The following C12orf54 variants were observed in gnomAD, a reference collection of about 807,000 sequenced individuals.
C12orf54 encodes uncharacterized protein C12orf54.
A neutral mutation model predicts 26.4 loss-of-function variants in C12orf54; 24 were observed. The observed-to-expected ratio is 0.91, with a 90% CI of 0.66 to 1.28. C12orf54 has a LOEUF of 1.28. Ranked by LOEUF, C12orf54 falls within the 50% of genes most tolerant of loss-of-function variation. The pLI is 0.00. For synonymous variants in C12orf54, 54 were observed against 47.0 expected, an observed-to-expected ratio of 1.15 and a Z score of -0.61; for missense variants, 154 against 150.9, an observed-to-expected ratio of 1.02 and a Z score of -0.11.
the C12orf54 span, among the ~76,000 whole-genome samples, chr12:48,419,056 G>A: frequency 8.5e-5 from 13 of 152,300 alleles, no homozygotes; most frequent in African/African-American, 3.1e-4. Context: ...GAAGTGGGAT[G>A]TTGGTTGAGA....
intron 2 of C12orf54, 52 bp downstream of exon 2, chr12:48,483,413 G>T (rs1954221894): frequency 6.4e-7 from 1 of 1,566,680 alleles, no homozygotes; most frequent in African/African-American, 1.4e-5. Context: ...TATACTCTAT[G>T]GGAGAAGAAC....
the C12orf54 span, among the ~76,000 whole-genome samples, chr12:48,425,075 G>A: frequency 6.6e-6 from 1 of 151,982 alleles, no homozygotes; most frequent in Non-Finnish European, 1.5e-5. Context: ...TTAAACAAAA[G>A]CAATTTTTTA....
At chr12:48,479,478 G>A (rs966722056), upstream of C12orf54, among the ~76,000 whole-genome samples, 5 of 151,830 alleles carry the variant, frequency 3.3e-5, no homozygotes, top group Non-Finnish European at 5.9e-5. Context: ...AAACCTGCAC[G>A]TTGTGCACAT....
At chr12:48,456,667 G>T in the C12orf54 span, among the ~76,000 whole-genome samples, 1 of 152,166 alleles carries the variant, frequency 6.6e-6, no homozygotes, top group Non-Finnish European at 1.5e-5. Flanking sequence ...TGGTTGTGAG[G>T]ATGAAATGAG....
At chr12:48,455,101 C>G in the C12orf54 span, among the ~76,000 whole-genome samples, 1 of 152,160 alleles carries the variant, frequency 6.6e-6, no homozygotes. Context: ...CAATCCCATC[C>G]TCCAACCTCA....
the C12orf54 span, among the ~76,000 whole-genome samples, chr12:48,474,884 G>C: frequency 2.6e-5 from 4 of 152,362 alleles, no homozygotes; most frequent in East Asian, 5.8e-4. Context: ...CTGTCTGACA[G>C]CTTTGAAAAG....
chr12:48,472,488 A>G, the C12orf54 span, among the ~76,000 whole-genome samples: 1 of 152,268 alleles, frequency 6.6e-6, no homozygotes, highest in African/African-American at 2.4e-5. Context: ...AACTGGGTGA[A>G]TGATAGCACA....
the C12orf54 span, among the ~76,000 whole-genome samples, chr12:48,443,571 A>T: frequency 6.6e-6 from 1 of 152,206 alleles, no homozygotes; most frequent in Non-Finnish European, 1.5e-5. Context: ...CTCCAATGCT[A>T]TGTAAGTGAT....
the C12orf54 span, among the ~76,000 whole-genome samples, chr12:48,433,977 C>T: frequency 5.6e-4 from 86 of 152,256 alleles, no homozygotes; most frequent in African/African-American, 1.6e-3. Flanking sequence ...CACCTCACCC[C>T]GGAAGCATAA....
the C12orf54 span, among the ~76,000 whole-genome samples, chr12:48,452,016 C>T: frequency 3.9e-5 from 6 of 152,072 alleles, no homozygotes; most frequent in Admixed American, 1.3e-4. Context: ...AAAAAGAACT[C>T]AAGTGGCCAA....
the C12orf54 span, among the ~76,000 whole-genome samples, chr12:48,443,153 A>G: frequency 6.6e-6 from 1 of 152,138 alleles, no homozygotes; most frequent in East Asian, 1.9e-4. Context: ...CCAACCTTAG[A>G]TTCTCTCTCT....
At chr12:48,452,523 AAC>A in the C12orf54 span, among the ~76,000 whole-genome samples, 4 of 151,910 alleles carry the variant, frequency 2.6e-5, no homozygotes, top group Non-Finnish European at 5.9e-5. Context: ...CACAGAAAAA[AAC>A]ACAACAACGA....
chr12:48,434,573 G>T, the C12orf54 span, among the ~76,000 whole-genome samples: 1 of 152,176 alleles, frequency 6.6e-6, no homozygotes, highest in Non-Finnish European at 1.5e-5. Flanking sequence ...ACTTCCAGAG[G>T]AATGATCAGG....
upstream of C12orf54, chr12:48,482,377 C>T (rs1477114457): frequency 6.6e-6 from 1 of 152,240 alleles, no homozygotes; most frequent in East Asian, 1.9e-4. Context: ...TTACCATTAT[C>T]GTTTGGATTG....
the C12orf54 span, among the ~76,000 whole-genome samples, chr12:48,425,686 C>G: frequency 6.6e-6 from 1 of 152,132 alleles, no homozygotes; most frequent in Admixed American, 6.6e-5. Context: ...AACTTACACT[C>G]CTACCAGCAG....
At chr12:48,457,612 C>G in the C12orf54 span, among the ~76,000 whole-genome samples, 3,442 of 152,154 alleles carry the variant, frequency 0.023, 49 homozygotes, top group Non-Finnish European at 0.032. Context: ...TTGCTCTAGT[C>G]CCGGGCTTCT....
At chr12:48,472,265 A>C in the C12orf54 span, among the ~76,000 whole-genome samples, 1 of 152,176 alleles carries the variant, frequency 6.6e-6, no homozygotes, top group African/African-American at 2.4e-5. Flanking sequence ...GGTTTTCTGC[A>C]TTTTAAAATG....
At chr12:48,454,082 C>G in the C12orf54 span, among the ~76,000 whole-genome samples, 7 of 140,784 alleles carry the variant, frequency 5.0e-5, no homozygotes, top group Non-Finnish European at 6.0e-5. Context: ...CTCTCTCTCT[C>G]TCTTTTTTTG....
At chr12:48,451,648 G>A in the C12orf54 span, among the ~76,000 whole-genome samples, 1 of 152,292 alleles carries the variant, frequency 6.6e-6, no homozygotes, top group East Asian at 1.9e-4. Context: ...CAAAGTCTCA[G>A]GATACAAAGT....
Sources: gnomAD v4.1 joint callset for allele counts (sites outside exome capture counted in the v4.1 genomes callset) on GRCh38, gnomAD v4.1.1 for gene constraint, MANE v1.5 for transcripts, NCBI Gene and HGNC (gene_info 2026-07-23, HGNC 2026-07-21) for gene names.